Variants in CDK19 observed in about 807,000 individuals in gnomAD.
CDK19 encodes the protein cyclin-dependent kinase 19.
A neutral mutation model predicts 68.3 loss-of-function variants in CDK19; 20 were observed. The observed-to-expected ratio is 0.29, with a 90% CI of 0.21 to 0.43. The LOEUF (loss-of-function observed/expected upper bound fraction) is 0.43, where lower values mean the gene tolerates loss of function less well. Among genes scored for constraint, CDK19 ranks in the 20% least tolerant of loss-of-function variants. CDK19 has a pLI of 1.00. For missense variants in CDK19, 339 were observed against 623.5 expected (o/e 0.54, Z 4.86); for synonymous variants, 221 against 222.8 (o/e 0.99, Z 0.07).
intron 2 of CDK19, among the ~76,000 whole-genome samples, chr6:110,691,741 G>T (rs1773010685): frequency 6.6e-6 from 1 of 151,032 alleles, no homozygotes; most frequent in Non-Finnish European, 1.5e-5. Context: ...TCCGCCTCCT[G>T]AGTTCAAGTG....
chr6:110,708,595 T>A (rs1384556400), intron 2 of CDK19, among the ~76,000 whole-genome samples: 1 of 152,204 alleles, frequency 6.6e-6, no homozygotes, highest in African/African-American at 2.4e-5. Flanking sequence ...TTCCCTCAAG[T>A]GTGCTGGCTA....
At chr6:110,802,511 C>A (rs1782411111) in intron 1 of CDK19, among the ~76,000 whole-genome samples, 1 of 152,154 alleles carries the variant, frequency 6.6e-6, no homozygotes. Flanking sequence ...GAACGACAGA[C>A]ACTGGGGACT....
At chr6:110,645,707 A>G (rs1276202486) in intron 4 of CDK19, 4 of 412,120 alleles carry the variant, frequency 9.7e-6, no homozygotes, top group East Asian at 1.2e-4. Flanking sequence ...ACTCTTGACG[A>G]CGGCTGGAGG....
At chr6:110,722,680 G>T (rs1337652700) in intron 2 of CDK19, among the ~76,000 whole-genome samples, 2 of 151,836 alleles carry the variant, frequency 1.3e-5, no homozygotes, top group African/African-American at 4.8e-5. Flanking sequence ...AGAATTCCTA[G>T]CCTAGGCAAC....
chr6:110,753,349 A>G (rs1778602980), intron 1 of CDK19, among the ~76,000 whole-genome samples: 1 of 152,018 alleles, frequency 6.6e-6, no homozygotes, highest in Non-Finnish European at 1.5e-5. Context: ...AGAAATCTCT[A>G]TTAGTTTAGC....
chr6:110,627,271 G>A, intron 6 of CDK19, 126 bp from the exon 7 acceptor site: 1 of 648,478 alleles, frequency 1.5e-6, no homozygotes, highest in Non-Finnish European at 2.5e-6. Flanking sequence ...AGTACATTAA[G>A]AGAACATTAT....
chr6:110,636,856 T>C (rs1453538191), intron 5 of CDK19, among the ~76,000 whole-genome samples: 1 of 152,226 alleles, frequency 6.6e-6, no homozygotes, highest in African/African-American at 2.4e-5. Context: ...ATAGCAATAT[T>C]GTACTATGAG....
intron 4 of CDK19, among the ~76,000 whole-genome samples, chr6:110,655,105 C>T (rs9487477): frequency 0.014 from 2,116 of 152,144 alleles, 50 homozygotes; most frequent in African/African-American, 0.049. Flanking sequence ...CGGTAGCTCA[C>T]GCCTGTAATC....
chr6:110,622,771 T>A lies in CDK19; in HGVS notation c.1031+44A>T, dbSNP rs771067053. 11 of 1,248,914 alleles carry A rather than the reference T, an allele frequency of 8.8e-6. No individual in the cohort carries two copies. In the South Asian group the frequency reaches 1.3e-4, roughly 15 times the overall value. 77.4% of individuals were successfully genotyped at this position (1,248,914 alleles called of 1,614,324 possible). ...CCTTGCTTTCAACCACCATGCAGCCTCCTCAGCCTGGAGCAAAGGACACAG... is the reference window on the plus strand; with the variant it reads ...CCTTGCTTTCAACCACCATGCAGCCACCTCAGCCTGGAGCAAAGGACACAG... On this transcript the variant is annotated intron_variant, in intron 10 of 12. Transcript: ENST00000368911.
At chr6:110,796,831 A>G (rs147833481) in intron 1 of CDK19, among the ~76,000 whole-genome samples, 3,479 of 151,314 alleles carry the variant, frequency 0.023, 119 homozygotes, top group African/African-American at 0.081. Context: ...AACATGGTGA[A>G]ATCCCGTCTC....
At chr6:110,744,259 A>G (rs1235333463) in intron 2 of CDK19, among the ~76,000 whole-genome samples, 1 of 151,936 alleles carries the variant, frequency 6.6e-6, no homozygotes, top group Non-Finnish European at 1.5e-5. Flanking sequence ...CACCCCCCCA[A>G]CAGCCTCCCA....
At chr6:110,792,780 CTA>C (rs1781691267) in intron 1 of CDK19, among the ~76,000 whole-genome samples, 1 of 152,202 alleles carries the variant, frequency 6.6e-6, no homozygotes, top group Non-Finnish European at 1.5e-5. Flanking sequence ...AAAAAACTGA[CTA>C]TAATTTTTAC....
chr6:110,815,150 C>G lies in CDK19; in HGVS notation c.-14G>C, dbSNP rs1251637478. ...ATCATAATCCATTGTCTGCTTCCCC[C>G]ATAGAGGCACGGGACGCGGGGGCCG... On this transcript the variant is annotated 5_prime_UTR_variant, in exon 1 of 13. The change abolishes an upstream ATG in the 5' untranslated region. Coordinates refer to ENST00000368911, the MANE Select transcript of CDK19 (RefSeq NM_015076.5). The G allele has an allele frequency of 4.4e-6, 7 of 1,579,520 alleles. No individual in the cohort carries two copies. The highest frequency in any genetic ancestry group is 1.8e-5 in the Admixed American group (1 of 56,164).
At chr6:110,755,669 G>T (rs1292090385) in intron 1 of CDK19, among the ~76,000 whole-genome samples, 3 of 152,100 alleles carry the variant, frequency 2.0e-5, no homozygotes, top group Non-Finnish European at 4.4e-5. Context: ...TACAAGAGGT[G>T]AAAAAACACA....
chr6:110,677,954 A>G (rs908748803), intron 2 of CDK19, among the ~76,000 whole-genome samples: 2 of 152,158 alleles, frequency 1.3e-5, no homozygotes, highest in African/African-American at 4.8e-5. Flanking sequence ...GGCTCAAGCC[A>G]TCCTCCTGCC....
At chr6:110,637,760 AC>A (rs1779874487) in intron 5 of CDK19, among the ~76,000 whole-genome samples, 1 of 152,154 alleles carries the variant, frequency 6.6e-6, no homozygotes, top group African/African-American at 2.4e-5. Context: ...CAGGCAGATC[AC>A]CTGAGGTCAG....
chr6:110,759,420 A>AT (rs1426687992), intron 1 of CDK19, among the ~76,000 whole-genome samples: 71 of 116,062 alleles, frequency 6.1e-4, no homozygotes, highest in African/African-American at 2.5e-3. Context: ...AAAAAAAAAA[A>AT]AAAAAAAAAT....
At chr6:110,800,587 AAAAGAT>A (rs752602487) in intron 1 of CDK19, among the ~76,000 whole-genome samples, 6 of 152,204 alleles carry the variant, frequency 3.9e-5, no homozygotes, top group African/African-American at 7.2e-5. Context: ...CAGCACATTG[AAAAGAT>A]AATTCACTAC....
intron 1 of CDK19, among the ~76,000 whole-genome samples, chr6:110,754,646 AT>A (rs1778710460): frequency 6.6e-6 from 1 of 151,710 alleles, no homozygotes; most frequent in South Asian, 2.1e-4. Flanking sequence ...TGCCCAGCTA[AT>A]TTTTTTGCAT....
Sources: allele counts gnomAD v4.1 joint callset (sites outside exome capture counted in the v4.1 genomes callset), GRCh38; gene constraint gnomAD v4.1.1; transcripts MANE v1.5; gene names NCBI Gene and HGNC (gene_info 2026-07-23, HGNC 2026-07-21).